The following LPP variants were observed in gnomAD, a reference collection of about 807,000 sequenced individuals.
The protein encoded by LPP is lipoma-preferred partner.
LPP carries 38 observed loss-of-function variants against 60.4 expected under a neutral mutation model. That is an observed-to-expected ratio of 0.63 (90% CI 0.49 to 0.83). The LOEUF is 0.83. Among genes scored for constraint, LPP ranks in the 40% least tolerant of loss-of-function variants. The probability of loss-of-function intolerance (pLI) is 0.00; values close to 1 mark genes in which losing one functional copy is unlikely to be tolerated. For missense variants in LPP, 902 were observed against 783.6 expected (o/e 1.15, Z -1.80); for synonymous variants, 328 against 290.8 (o/e 1.13, Z -1.30).
chr3:188,308,829 C>G (rs964233986), intron 2 of LPP, among the ~76,000 whole-genome samples: 4 of 148,324 alleles, frequency 2.7e-5, no homozygotes, highest in South Asian at 2.1e-4. Context: ...CTTTCTGAGC[C>G]TGAGTTGTTG....
chr3:188,828,614 C>CAAAA (rs71169022), intron 9 of LPP, among the ~76,000 whole-genome samples: 8,520 of 31,248 alleles, frequency 0.27, 2,415 homozygotes, highest in Non-Finnish European at 0.35. Flanking sequence ...AACTCTGTCT[C>CAAAA]AAAAAAAAAA....
At chr3:188,632,039 A>C (rs977807752) in intron 7 of LPP, among the ~76,000 whole-genome samples, 1 of 152,110 alleles carries the variant, frequency 6.6e-6, no homozygotes, top group Non-Finnish European at 1.5e-5. Context: ...GGGCCCCTGA[A>C]GCTTCATTTC....
chr3:188,321,871 T>G (rs186411299), intron 2 of LPP, among the ~76,000 whole-genome samples: 125 of 152,268 alleles, frequency 8.2e-4, no homozygotes, highest in Non-Finnish European at 2.2e-4. Context: ...GTTGGAAGAG[T>G]GAAATACCTT....
chr3:188,543,308 T>C (rs1447583976), intron 6 of LPP, among the ~76,000 whole-genome samples: 2 of 152,086 alleles, frequency 1.3e-5, no homozygotes, highest in African/African-American at 4.8e-5. Context: ...AAGAAGTATT[T>C]GTTCTTTTTG....
chr3:188,598,515 A>T (rs1300853288), intron 6 of LPP, among the ~76,000 whole-genome samples: 1 of 152,138 alleles, frequency 6.6e-6, no homozygotes, highest in Admixed American at 6.6e-5. Flanking sequence ...GAGGAGAAAA[A>T]AAATTGTGAT....
intron 1 of LPP, among the ~76,000 whole-genome samples, chr3:188,191,983 G>T: frequency 6.6e-6 from 1 of 152,104 alleles, no homozygotes; most frequent in East Asian, 1.9e-4. Context: ...CCTAGGGGGG[G>T]ATTGGGAAAA....
chr3:188,713,210 A>G (rs1215916900), intron 8 of LPP, among the ~76,000 whole-genome samples: 1 of 152,200 alleles, frequency 6.6e-6, no homozygotes, highest in Admixed American at 6.5e-5. Flanking sequence ...TCTTGCTAAA[A>G]TATTTCAGCT....
intron 6 of LPP, among the ~76,000 whole-genome samples, chr3:188,588,835 C>T (rs1165821230): frequency 6.6e-6 from 1 of 152,144 alleles, no homozygotes; most frequent in Non-Finnish European, 1.5e-5. Context: ...CACAGCCATC[C>T]ATGTGTTGTG....
At position 188,441,047 on chromosome 3, in the gene LPP, C is replaced by CTGTATGTATATATATCTGAT. The variant is rs1793692929; in HGVS notation, c.193+34734_193+34735insTGTATGTATATATATCTGAT. On this transcript the variant is annotated intron_variant, in intron 4 of 11. Transcript: ENST00000617246. ...TAATATGTGTGTGTGTGTGTGTGTG[C>CTGTATGTATATATATCTGAT]GTGCCTGTATACATCAGATATATGG... Among the ~76,000 whole-genome samples the CTGTATGTATATATATCTGAT allele has an allele frequency of 4.4e-5, 5 of 113,652 alleles. No homozygotes were observed. In the Admixed American group the frequency reaches 4.9e-4, roughly 11 times the overall value. The allele number at this position is 113,652 out of a possible 152,430, so 74.6% of individuals were successfully genotyped here. A position where few individuals can be genotyped will look rare whatever the true frequency, so the allele number is the denominator to read the frequency against.
At position 188,882,063 on chromosome 3, in the gene LPP, G is replaced by A; in HGVS notation, c.*7584G>A. On this transcript the variant is annotated 3_prime_UTR_variant, in exon 12 of 12. Coordinates refer to ENST00000617246, the MANE Select transcript of LPP (RefSeq NM_001375462.1). The stretch of plus-strand genomic sequence containing the variant: ...TATAATTACCAAATAATCACTGTTA[G>A]AGAATCAGCCCCTAAGTAACTTTGA... The A allele has an allele frequency of 4.8e-6, 1 of 209,750 alleles. No homozygotes were observed. The highest frequency in any genetic ancestry group is 9.7e-6 in the Non-Finnish European group (1 of 103,368). 13.0% of individuals were successfully genotyped at this position (209,750 alleles called of 1,614,324 possible).
At chr3:188,333,136 A>G (rs1016727974) in intron 2 of LPP, among the ~76,000 whole-genome samples, 1 of 152,310 alleles carries the variant, frequency 6.6e-6, no homozygotes, top group South Asian at 2.1e-4. Flanking sequence ...GTATTTCTCT[A>G]TTCATCATTC....
intron 1 of LPP, chr3:188,208,110 C>T (rs1376648050): frequency 6.6e-6 from 1 of 152,266 alleles, no homozygotes; most frequent in Middle Eastern, 3.2e-3. Context: ...ACAGACCTCA[C>T]TGGGCTCTGT....
chr3:188,603,213 C>T lies in LPP; in HGVS notation c.430-5948C>T, dbSNP rs1416999138. ...CACTTTGTTGTTTCCTAGACACTGG[C>T]ATTCTCATTTTCTGTTCATTCTCCA... On this transcript the variant is annotated intron_variant, in intron 6 of 11. Coordinates refer to ENST00000617246, the MANE Select transcript of LPP (RefSeq NM_001375462.1). Among the ~76,000 whole-genome samples the T allele has an allele frequency of 2.0e-5, 3 of 152,086 alleles. No homozygotes were observed. The East Asian group carries it at 5.8e-4, about 29-fold the overall frequency.
chr3:188,394,478 T>C (rs1780423926), intron 3 of LPP, among the ~76,000 whole-genome samples: 1 of 152,100 alleles, frequency 6.6e-6, no homozygotes, highest in Non-Finnish European at 1.5e-5. Flanking sequence ...ATTAACAATT[T>C]CACACTTCAA....
At chr3:188,269,635 CT>C (rs200315400) in intron 2 of LPP, among the ~76,000 whole-genome samples, 70 of 132,968 alleles carry the variant, frequency 5.3e-4, no homozygotes, top group African/African-American at 6.5e-4. Context: ...CTGGTTGTGC[CT>C]TTTTTTTTAT....
chr3:188,427,754 C>A (rs1789790858), intron 4 of LPP, among the ~76,000 whole-genome samples: 2 of 152,096 alleles, frequency 1.3e-5, no homozygotes, highest in African/African-American at 4.8e-5. Flanking sequence ...TGGTGGACGC[C>A]CCTCCCCCCA....
rs2149673502 is a variant in LPP, at chr3:188,484,608, C to T, written c.210C>T (p.Pro70=). The T allele has an allele frequency of 1.2e-6, 2 of 1,613,108 alleles. No homozygotes were observed. Among genetic ancestry groups the T allele is most frequent in the Non-Finnish European group, 1.7e-6 (2 of 1,179,360 alleles). ...TTTCTGTAGGTGATTTTCTTCCACC[C>T]CCACCTCCACCTCTAGATGATTCCA... ...QPGGEGDFLP[P]PPPPLDDSSA... is the part of the protein sequence containing the mutation. Residue 70 remains proline (P), a synonymous_variant, in exon 5 of 12, where the codon CCC becomes CCT. Coordinates refer to ENST00000617246, the MANE Select transcript of LPP (RefSeq NM_001375462.1).
chr3:188,688,938 C>T, intron 7 of LPP: 1 of 501,600 alleles, frequency 2.0e-6, no homozygotes, highest in South Asian at 1.5e-5. Context: ...ATTATTTTAA[C>T]TTTGTTCACA....
At chr3:188,273,249 A>G (rs1179217745) in intron 2 of LPP, among the ~76,000 whole-genome samples, 1 of 152,222 alleles carries the variant, frequency 6.6e-6, no homozygotes, top group Non-Finnish European at 1.5e-5. Flanking sequence ...GTGGGGTGAT[A>G]TGTCAGTCAG....
Sources: gnomAD v4.1 joint callset for allele counts (sites outside exome capture counted in the v4.1 genomes callset) on GRCh38, gnomAD v4.1.1 for gene constraint, MANE v1.5 for transcripts, NCBI Gene and HGNC (gene_info 2026-07-23, HGNC 2026-07-21) for gene names.